ATP8B4: variants seen among roughly 807,000 people sequenced by gnomAD.
The protein encoded by ATP8B4 is probable phospholipid-transporting ATPase IM.
ATP8B4 carries 133 observed loss-of-function variants against 145.6 expected under a neutral mutation model. The observed-to-expected ratio is 0.91, with a 90% confidence interval of 0.79 to 1.05. The LOEUF (loss-of-function observed/expected upper bound fraction) is 1.05. Ranked by LOEUF, ATP8B4 falls within the 50% of genes least tolerant of loss-of-function variation. The pLI, the probability that ATP8B4 is intolerant of heterozygous loss-of-function variation, is 0.00. For missense variants in ATP8B4, 1,458 were observed against 1,425.2 expected, an observed-to-expected ratio of 1.02 and a Z score of -0.37; for synonymous variants, 507 against 492.9, an observed-to-expected ratio of 1.03 and a Z score of -0.38.
At chr15:49,987,276 G>A (rs1409072663) in intron 10 of ATP8B4, 115 bp downstream of exon 10, 11 of 1,260,852 alleles carry the variant, frequency 8.7e-6, no homozygotes, top group Admixed American at 7.9e-5. Flanking sequence ...TCCAGAGCAC[G>A]ACTTTGCATG....
At chr15:49,968,419 AT>A (rs1406806431) in intron 13 of ATP8B4, among the ~76,000 whole-genome samples, 1 of 115,398 alleles carries the variant, frequency 8.7e-6, no homozygotes, top group Non-Finnish European at 1.7e-5. Context: ...AAATAAAGGG[AT>A]GGAGGAATAT....
chr15:50,107,394 C>T (rs190313862), intron 1 of ATP8B4, among the ~76,000 whole-genome samples: 47 of 152,274 alleles, frequency 3.1e-4, no homozygotes, highest in African/African-American at 1.0e-3. Context: ...AACTGAACTT[C>T]GAGAGCTATG....
At chr15:49,971,514 G>GA (rs1232450526) in intron 13 of ATP8B4, among the ~76,000 whole-genome samples, 5 of 152,076 alleles carry the variant, frequency 3.3e-5, no homozygotes, top group African/African-American at 1.2e-4. Flanking sequence ...GCAAACATAT[G>GA]AAAAAAAGCT....
intron 8 of ATP8B4, among the ~76,000 whole-genome samples, chr15:49,997,786 G>A (rs1418536616): frequency 2.6e-5 from 4 of 152,112 alleles, no homozygotes; most frequent in Non-Finnish European, 4.4e-5. Context: ...CAAGGAATAC[G>A]CATTGCTAAA....
intron 20 of ATP8B4, among the ~76,000 whole-genome samples, chr15:49,913,185 C>T (rs565285441): frequency 2.7e-5 from 4 of 150,202 alleles, no homozygotes; most frequent in East Asian, 1.9e-4. Context: ...TAATACACCA[C>T]GATCAAGTGA....
chr15:50,013,989 G>A (rs550452632), intron 6 of ATP8B4, among the ~76,000 whole-genome samples: 2 of 152,296 alleles, frequency 1.3e-5, no homozygotes, highest in African/African-American at 4.8e-5. Context: ...TGAAAATCAA[G>A]TGTTGACCTT....
rs1283240745 is a variant in ATP8B4, at chr15:49,876,519, A to G, written c.2786T>C (p.Val929Ala). 6.2e-7 allele frequency: 1 copy of G among 1,613,986 alleles called. No homozygotes were observed. Among genetic ancestry groups the G allele is most frequent in the Admixed American group, 1.7e-5 (1 of 60,026 alleles). Residue 929 changes from valine (V) to alanine (A), a missense_variant, in exon 25 of 28, where the codon GTG becomes GCG. Transcript: ENST00000284509. ...ACAGTCCACGCTGTTCTGGTCACTC[A>G]CATCCTGTAAACAGAGTGTAATTTC... ...VLAMGIFDQD[V>A]SDQNSVDCPQ...
At chr15:50,154,386 C>T (rs2044386435) in intron 1 of ATP8B4, among the ~76,000 whole-genome samples, 1 of 152,004 alleles carries the variant, frequency 6.6e-6, no homozygotes, top group South Asian at 2.1e-4. Flanking sequence ...ACAAATTAGA[C>T]AAAATTATTC....
chr15:50,067,623 A>G (rs1354126017), intron 3 of ATP8B4, among the ~76,000 whole-genome samples: 1 of 152,134 alleles, frequency 6.6e-6, no homozygotes, highest in Non-Finnish European at 1.5e-5. Context: ...GTTTCATTCT[A>G]GTGTGCTGGG....
intron 1 of ATP8B4, among the ~76,000 whole-genome samples, chr15:50,126,183 G>C (rs1470801851): frequency 7.2e-6 from 1 of 139,524 alleles, no homozygotes; most frequent in African/African-American, 2.7e-5. Flanking sequence ...GCTGAGTCCT[G>C]AAAGATGAGT....
At chr15:49,902,890 A>C (rs1374142370) in intron 20 of ATP8B4, among the ~76,000 whole-genome samples, 1 of 152,252 alleles carries the variant, frequency 6.6e-6, no homozygotes, top group Non-Finnish European at 1.5e-5. Context: ...CCTTTTGAGT[A>C]AAGTTCTCAC....
At chr15:49,867,326 A>C (rs1344119213) in intron 25 of ATP8B4, among the ~76,000 whole-genome samples, 1 of 152,230 alleles carries the variant, frequency 6.6e-6, no homozygotes, top group Admixed American at 6.5e-5. Flanking sequence ...CTGCTTAGTA[A>C]ATAGATCCCT....
chr15:50,021,301 T>C (rs1317541663), intron 6 of ATP8B4, among the ~76,000 whole-genome samples: 1 of 152,234 alleles, frequency 6.6e-6, no homozygotes, highest in Non-Finnish European at 1.5e-5. Context: ...GTCTACTGTC[T>C]ACACAGAAGC....
chr15:49,908,481 G>A (rs2038867755), intron 20 of ATP8B4, among the ~76,000 whole-genome samples: 1 of 151,638 alleles, frequency 6.6e-6, no homozygotes, highest in African/African-American at 2.4e-5. Flanking sequence ...GTATAAGTGA[G>A]GGATGCCCAG....
intron 1 of ATP8B4, among the ~76,000 whole-genome samples, chr15:50,177,951 G>A (rs1361991424): frequency 6.6e-6 from 1 of 152,122 alleles, no homozygotes; most frequent in African/African-American, 2.4e-5. Context: ...AAGGGGGTAG[G>A]GAAGGTCTGG....
At chr15:50,106,914 A>G (rs771937065) in intron 2 of ATP8B4, 25 bp downstream of exon 2, 3 of 1,579,896 alleles carry the variant, frequency 1.9e-6, no homozygotes, top group Admixed American at 1.9e-5. Context: ...ATCACTTTGC[A>G]TCATTGGAAG....
chr15:49,918,563 C>T (rs550355810), intron 19 of ATP8B4, among the ~76,000 whole-genome samples: 2 of 152,226 alleles, frequency 1.3e-5, no homozygotes, highest in South Asian at 4.2e-4. Flanking sequence ...ATTTTAAATA[C>T]CATTTTTGCC....
intron 1 of ATP8B4, among the ~76,000 whole-genome samples, chr15:50,180,842 TACGAAA>T (rs1466866753): frequency 2.4e-4 from 36 of 151,832 alleles, no homozygotes; most frequent in African/African-American, 8.7e-4. Context: ...TTACTAGGGA[TACGAAA>T]AGGAGGCTAA....
At chr15:49,898,023 G>C (rs1330120628) in intron 22 of ATP8B4, 45 bp downstream of exon 22, 1 of 1,592,358 alleles carries the variant, frequency 6.3e-7, no homozygotes, top group Non-Finnish European at 8.6e-7. Flanking sequence ...TGAAACTGAG[G>C]ACCCCATGTA....
Sources: allele counts gnomAD v4.1 joint callset (sites outside exome capture counted in the v4.1 genomes callset), GRCh38; gene constraint gnomAD v4.1.1; transcripts MANE v1.5; gene names NCBI Gene and HGNC (gene_info 2026-07-23, HGNC 2026-07-21).